PLCE1: variants seen among roughly 807,000 people sequenced by gnomAD.
PLCE1 encodes the protein phospholipase C epsilon 1, also known as 1-phosphatidylinositol 4,5-bisphosphate phosphodiesterase epsilon-1.
A neutral mutation model predicts 242.8 loss-of-function variants in PLCE1; 119 were observed. That is an observed-to-expected ratio of 0.49 (90% CI 0.42 to 0.57). PLCE1 has a LOEUF of 0.57. PLCE1 is among the 20% of genes least tolerant of loss of function. PLCE1 has a pLI of 0.00. For synonymous variants in PLCE1, 945 were observed against 1,017.4 expected, an observed-to-expected ratio of 0.93 and a Z score of 1.35; for missense variants, 2,441 against 2,788.8, an observed-to-expected ratio of 0.88 and a Z score of 2.81.
At chr10:94,006,247 A>C (rs1255479543) in intron 1 of PLCE1, among the ~76,000 whole-genome samples, 5 of 152,276 alleles carry the variant, frequency 3.3e-5, no homozygotes, top group African/African-American at 1.2e-4. Flanking sequence ...TAAATGAAAT[A>C]GAGCATGTAA....
chr10:94,267,292 A>C (rs934905085), intron 16 of PLCE1, among the ~76,000 whole-genome samples: 1 of 152,136 alleles, frequency 6.6e-6, no homozygotes, highest in African/African-American at 2.4e-5. Flanking sequence ...TCCTGGCTTT[A>C]ATTTCTATTT....
chr10:94,132,098 T>C (rs1213668717), intron 2 of PLCE1, 76 bp from the exon 3 acceptor site: 1 of 1,420,294 alleles, frequency 7.0e-7, no homozygotes, highest in Non-Finnish European at 9.9e-7. Flanking sequence ...TAAGTCATCT[T>C]GGCATTTTGT....
At chr10:94,235,843 T>A in intron 6 of PLCE1, 72 bp from the exon 7 acceptor site, 2 of 1,508,676 alleles carry the variant, frequency 1.3e-6, no homozygotes, top group Admixed American at 1.7e-5. Flanking sequence ...CTTTATGATT[T>A]CATTTCCCTA....
chr10:94,031,182 C>G lies in PLCE1; in HGVS notation c.136C>G (p.Arg46Gly), dbSNP rs754972798. ...INISKAHTVR[R>G]SGETSHTISQ... The stretch of plus-strand genomic sequence containing the variant: ...TATTTCAAAAGCACATACTGTCAGA[C>G]GAAGTGGGGAGACTTCTCATACCAT... Residue 46 changes from arginine (R) to glycine (G), a missense_variant, in exon 2 of 33, where the codon CGA becomes GGA. Around this residue, in one of 5 missense-constraint regions of PLCE1, gnomAD observed 393 missense variants for 378.5 expected, o/e 1.04. Transcript: ENST00000371380. 10 of 1,613,740 alleles carry G rather than the reference C, an allele frequency of 6.2e-6. No homozygotes were observed. In the East Asian group the frequency reaches 2.2e-4, roughly 36 times the overall value.
intron 5 of PLCE1, among the ~76,000 whole-genome samples, chr10:94,233,816 C>T (rs1430327770): frequency 1.2e-4 from 18 of 152,022 alleles, no homozygotes; most frequent in South Asian, 4.2e-4. Flanking sequence ...GGCATAGTGG[C>T]GCGCGCCTAT....
chr10:94,143,005 G>A (rs971138139), intron 3 of PLCE1, among the ~76,000 whole-genome samples: 2 of 152,146 alleles, frequency 1.3e-5, no homozygotes, highest in African/African-American at 4.8e-5. Context: ...TGGAGGAAAT[G>A]GACAAATAAA....
At chr10:94,264,628 T>G (rs929690962) in intron 14 of PLCE1, among the ~76,000 whole-genome samples, 1 of 149,090 alleles carries the variant, frequency 6.7e-6, no homozygotes, top group African/African-American at 2.5e-5. Flanking sequence ...TTCAAGCAAT[T>G]CTCCTGCCTC....
At chr10:94,169,869 G>A (rs2047919150) in intron 3 of PLCE1, among the ~76,000 whole-genome samples, 1 of 152,190 alleles carries the variant, frequency 6.6e-6, no homozygotes, top group Non-Finnish European at 1.5e-5. Context: ...AAGTCAAGCT[G>A]TCTTCTTAGG....
intron 4 of PLCE1, among the ~76,000 whole-genome samples, chr10:94,179,955 T>C (rs1388634955): frequency 3.3e-5 from 5 of 149,942 alleles, no homozygotes; most frequent in African/African-American, 1.2e-4. Flanking sequence ...AAAAAACCAC[T>C]AACATAACAG....
intron 4 of PLCE1, among the ~76,000 whole-genome samples, chr10:94,174,922 A>G (rs2048085402): frequency 6.6e-6 from 1 of 152,156 alleles, no homozygotes; most frequent in Non-Finnish European, 1.5e-5. Context: ...TATCAATGTT[A>G]ATTTCCTGGT....
intron 3 of PLCE1, among the ~76,000 whole-genome samples, chr10:94,168,731 A>G (rs1399594575): frequency 6.6e-6 from 1 of 152,118 alleles, no homozygotes. Context: ...CTTCTCTTAT[A>G]TATTAGAGAA....
intron 2 of PLCE1, among the ~76,000 whole-genome samples, chr10:94,079,276 C>A (rs114782610): frequency 1.9e-3 from 287 of 152,266 alleles, no homozygotes; most frequent in Middle Eastern, 0.01. Flanking sequence ...GCTCTCCCAC[C>A]AAAGAACTAA....
chr10:94,003,498 G>A (rs904869614), intron 1 of PLCE1, among the ~76,000 whole-genome samples: 3 of 152,158 alleles, frequency 2.0e-5, no homozygotes, highest in African/African-American at 7.2e-5. Flanking sequence ...TTAATCAGTT[G>A]TATCTCTAAA....
At position 94,031,244 on chromosome 10, in the gene PLCE1, A is replaced by G. The variant is rs767027674; in HGVS notation, c.198A>G (p.Gly66=). 17 of 1,613,760 alleles carry G rather than the reference A, an allele frequency of 1.1e-5. No individual in the cohort carries two copies. The highest frequency in any genetic ancestry group is 1.4e-5 in the Non-Finnish European group (17 of 1,179,886). Residue 66 remains glycine, a synonymous_variant, in exon 2 of 33, where the codon GGA becomes GGG. Coordinates refer to ENST00000371380, the MANE Select transcript of PLCE1 (RefSeq NM_016341.4). The part of the protein sequence containing the change: ...QLNKLKEEPS[G]SNLPKILSIA... ...ACAAACTTAAAGAAGAACCTTCTGGAAGCAACTTGCCAAAGATTCTCTCAA... is the reference window on the plus strand; with the variant it reads ...ACAAACTTAAAGAAGAACCTTCTGGGAGCAACTTGCCAAAGATTCTCTCAA...
intron 20 of PLCE1, among the ~76,000 whole-genome samples, chr10:94,281,661 T>A (rs952933380): frequency 1.3e-5 from 2 of 152,102 alleles, no homozygotes; most frequent in African/African-American, 4.8e-5. Context: ...TAATCAAAAG[T>A]TCTGCGAAGT....
chr10:94,051,286 CAAAAAAAA>C lies in PLCE1; in HGVS notation c.1206+19053_1206+19060del, dbSNP rs869233995. 6.4e-3 allele frequency among the ~76,000 whole-genome samples: 189 copies of C among 29,372 alleles called. 4 individuals are homozygous for C. Among genetic ancestry groups the C allele is most frequent in the African/African-American group, 0.016 (173 of 10,938 alleles). 19.3% of individuals were successfully genotyped at this position (29,372 alleles called of 152,430 possible). A position where few individuals can be genotyped will look rare whatever the true frequency, so the allele number is the denominator to read the frequency against. On this transcript the variant is annotated intron_variant, in intron 2 of 32. Transcript: ENST00000371380. ...TGGGTGATAGAGCGAGACTCCAACTCAAAAAAAAAAAAAAAAAAAAAAAAAAGACTTTC... is the reference window on the plus strand; with the variant it reads ...TGGGTGATAGAGCGAGACTCCAACTCAAAAAAAAAAAAAAAAAAGACTTTC...
intron 7 of PLCE1, among the ~76,000 whole-genome samples, chr10:94,244,799 C>A (rs958834705): frequency 6.6e-6 from 1 of 152,102 alleles, no homozygotes; most frequent in Non-Finnish European, 1.5e-5. Flanking sequence ...ACCTCCCAGG[C>A]TCCAGCAATC....
intron 1 of PLCE1, among the ~76,000 whole-genome samples, chr10:94,010,775 A>G (rs528421655): frequency 2.8e-4 from 42 of 152,334 alleles, no homozygotes; most frequent in African/African-American, 9.9e-4. Flanking sequence ...AAGGTATAAC[A>G]AGGTGACCTT....
intron 2 of PLCE1, among the ~76,000 whole-genome samples, chr10:94,065,583 C>T (rs2044175355): frequency 6.6e-6 from 1 of 152,150 alleles, no homozygotes. Context: ...TTTGCCTACC[C>T]CCATAAAATT....
Sources: allele counts gnomAD v4.1 joint callset (sites outside exome capture counted in the v4.1 genomes callset), GRCh38; gene constraint gnomAD v4.1.1; regional missense constraint gnomAD v4.1.1; transcripts MANE v1.5; gene names NCBI Gene and HGNC (gene_info 2026-07-23, HGNC 2026-07-21).